Variants in SORCS3 observed in about 807,000 individuals in gnomAD.
The protein encoded by SORCS3 is VPS10 domain-containing receptor SorCS3.
In SORCS3, 57 loss-of-function variants were observed where a neutral mutation model predicts 146.3. The ratio of observed to expected loss-of-function variants is 0.39; its 90% CI spans 0.31 to 0.49. The LOEUF (loss-of-function observed/expected upper bound fraction) is 0.49, where lower values mean the gene tolerates loss of function less well. SORCS3 is among the 20% of genes least tolerant of loss of function. The probability of loss-of-function intolerance (pLI) is 0.92; values close to 1 mark genes in which losing one functional copy is unlikely to be tolerated. For synonymous variants in SORCS3, 653 were observed against 618.5 expected, an observed-to-expected ratio of 1.06 and a Z score of -0.83; for missense variants, 1,341 against 1,575.5, an observed-to-expected ratio of 0.85 and a Z score of 2.52.
chr10:105,045,891 C>T (rs2055368692), intron 5 of SORCS3, among the ~76,000 whole-genome samples: 1 of 152,064 alleles, frequency 6.6e-6, no homozygotes, highest in African/African-American at 2.4e-5. Context: ...TTTTGCTGGG[C>T]ACAAATGTGA....
chr10:105,068,432 C>T (rs2133723977), intron 5 of SORCS3, among the ~76,000 whole-genome samples: 1 of 152,242 alleles, frequency 6.6e-6, no homozygotes, highest in Non-Finnish European at 1.5e-5. Context: ...CCTGTTGGCA[C>T]TTCCTTCAGC....
chr10:105,091,192 C>T (rs1192925786), intron 6 of SORCS3, among the ~76,000 whole-genome samples: 1 of 111,754 alleles, frequency 8.9e-6, no homozygotes, highest in Non-Finnish European at 2.0e-5. Flanking sequence ...TTCATCCCTC[C>T]TTCCTTCCTT....
chr10:104,860,371 A>G (rs1157225110), intron 2 of SORCS3, among the ~76,000 whole-genome samples: 1 of 134,900 alleles, frequency 7.4e-6, no homozygotes, highest in Non-Finnish European at 1.6e-5. Context: ...TTGAACAGTG[A>G]GAACACATGG....
At chr10:104,855,090 C>G (rs2018315212) in intron 2 of SORCS3, among the ~76,000 whole-genome samples, 1 of 152,142 alleles carries the variant, frequency 6.6e-6, no homozygotes, top group African/African-American at 2.4e-5. Context: ...TGCAGTTTAT[C>G]CTACCCTCCT....
At chr10:105,100,649 A>T (rs1005618313) in intron 6 of SORCS3, among the ~76,000 whole-genome samples, 14 of 152,172 alleles carry the variant, frequency 9.2e-5, no homozygotes, top group Admixed American at 9.2e-4. Flanking sequence ...CATCCATTGC[A>T]CTTAAGGTAA....
intron 20 of SORCS3, among the ~76,000 whole-genome samples, chr10:105,238,775 G>A (rs1244880604): frequency 1.3e-5 from 2 of 152,198 alleles, no homozygotes; most frequent in African/African-American, 4.8e-5. Context: ...GTATGTTTGT[G>A]TATCTGTATT....
chr10:104,813,541 C>T (rs934665923), intron 1 of SORCS3, among the ~76,000 whole-genome samples: 12 of 152,036 alleles, frequency 7.9e-5, no homozygotes, highest in Non-Finnish European at 1.0e-4. Flanking sequence ...ATTTCCTTAC[C>T]GTAGCCTTAG....
At chr10:104,867,973 C>G (rs1186910771) in intron 2 of SORCS3, among the ~76,000 whole-genome samples, 5 of 152,346 alleles carry the variant, frequency 3.3e-5, no homozygotes, top group African/African-American at 1.2e-4. Flanking sequence ...TGGTATTCAT[C>G]TTGTTTTACA....
intron 7 of SORCS3, among the ~76,000 whole-genome samples, chr10:105,120,573 A>T (rs140993447): frequency 6.6e-6 from 1 of 151,988 alleles, no homozygotes; most frequent in Non-Finnish European, 1.5e-5. Context: ...TCCATTCAGA[A>T]CTCTACTGTG....
intron 3 of SORCS3, among the ~76,000 whole-genome samples, chr10:104,968,259 GC>G (rs1191373895): frequency 1.3e-5 from 2 of 152,138 alleles, no homozygotes; most frequent in African/African-American, 4.8e-5. Flanking sequence ...GGGATTACAG[GC>G]ACATGCCACC....
At chr10:104,670,169 G>T (rs1380475519) in intron 1 of SORCS3, among the ~76,000 whole-genome samples, 1 of 151,998 alleles carries the variant, frequency 6.6e-6, no homozygotes, top group Non-Finnish European at 1.5e-5. Context: ...CCGTTCTGCA[G>T]GTTGCCTTTT....
chr10:105,245,206 A>C (rs2056858809), intron 20 of SORCS3, among the ~76,000 whole-genome samples: 2 of 152,122 alleles, frequency 1.3e-5, no homozygotes, highest in South Asian at 4.1e-4. Context: ...ATTGGAGGAG[A>C]AGGGAAATGA....
chr10:104,821,524 G>A (rs1295746124), intron 1 of SORCS3, among the ~76,000 whole-genome samples: 1 of 152,180 alleles, frequency 6.6e-6, no homozygotes, highest in Non-Finnish European at 1.5e-5. Context: ...GGCTAAAAAT[G>A]GAGTCTGTTG....
At chr10:105,151,139 GA>G (rs1318259388) in intron 9 of SORCS3, among the ~76,000 whole-genome samples, 1 of 152,152 alleles carries the variant, frequency 6.6e-6, no homozygotes. Context: ...CCAGGTTGTG[GA>G]GTTACAAAAG....
intron 1 of SORCS3, among the ~76,000 whole-genome samples, chr10:104,789,134 G>C (rs761308845): frequency 2.0e-5 from 3 of 152,182 alleles, no homozygotes; most frequent in Non-Finnish European, 2.9e-5. Flanking sequence ...TTGATGACTA[G>C]TGTGGTGTGT....
chr10:104,764,896 T>C (rs2017161976), intron 1 of SORCS3, among the ~76,000 whole-genome samples: 1 of 152,216 alleles, frequency 6.6e-6, no homozygotes, highest in African/African-American at 2.4e-5. Context: ...TATCTGGTAG[T>C]CAACTCTGAT....
chr10:104,842,724 C>T, intron 1 of SORCS3, 68 bp from the exon 2 acceptor site: 1 of 1,223,000 alleles, frequency 8.2e-7, no homozygotes, highest in East Asian at 2.4e-5. Context: ...GTTACACAAA[C>T]TAAAGTAAGC....
Position 105,247,256 on chromosome 10 carries a change from T to G in SORCS3, c.3030T>G (p.Asn1010Lys). 1 of 1,611,544 alleles carries G rather than the reference T, an allele frequency of 6.2e-7. No homozygotes were observed. The highest frequency in any genetic ancestry group is 1.7e-5 in the Admixed American group (1 of 59,972). Residue 1010 changes from asparagine to lysine, a missense_variant, in exon 22 of 27, where the codon AAT becomes AAG. By Grantham distance (94) the Asn-to-Lys change is moderately conservative (BLOSUM62 0). Coordinates refer to ENST00000369701, the MANE Select transcript of SORCS3 (RefSeq NM_014978.3). ...FQSQLLSFSP[N>K]LDYHNPDIPE... The stretch of plus-strand genomic sequence containing the variant: ...CCCAGCTTTTATCATTCTCTCCTAA[T>G]CTGGATTACCACAATCCTGACATTC...
chr10:105,071,668 T>G (rs1232375672), intron 5 of SORCS3, among the ~76,000 whole-genome samples: 1 of 152,238 alleles, frequency 6.6e-6, no homozygotes, highest in African/African-American at 2.4e-5. Flanking sequence ...CTTTGAGTTA[T>G]GTACAATCCA....
Sources: gnomAD v4.1 joint callset for allele counts (sites outside exome capture counted in the v4.1 genomes callset) on GRCh38, gnomAD v4.1.1 for gene constraint, MANE v1.5 for transcripts, NCBI Gene and HGNC (gene_info 2026-07-23, HGNC 2026-07-21) for gene names.